The following TP63 variants were observed in gnomAD, a reference collection of about 807,000 sequenced individuals.
The protein encoded by TP63 is tumor protein p63.
In TP63, 17 loss-of-function variants were observed where a neutral mutation model predicts 82.8. The ratio of observed to expected loss-of-function variants is 0.21; its 90% CI spans 0.14 to 0.31. The LOEUF is 0.31. TP63 is among the 10% of genes least tolerant of loss of function. The pLI is 1.00. For missense variants in TP63, 648 were observed against 895.3 expected (o/e 0.72, Z 3.52); for synonymous variants, 330 against 321.7 (o/e 1.03, Z -0.28).
At chr3:189,844,030 C>T (rs910451441) in intron 4 of TP63, among the ~76,000 whole-genome samples, 32 of 152,116 alleles carry the variant, frequency 2.1e-4, no homozygotes, top group African/African-American at 6.5e-4. Context: ...TGCCCCCACC[C>T]CAACCCCAGA....
rs886978021 is a variant in TP63 at position 189,895,653 on chromosome 3, TA to T, written c.*1156del. ...TCAATGAACCATAAATTCAACTTTG[TA>T]AAAATCTTTTGAAGCATAGATAATA... On this transcript the variant is annotated 3_prime_UTR_variant, in exon 14 of 14. Transcript: ENST00000264731. The T allele has an allele frequency of 8.8e-6, 2 of 227,336 alleles. No individual in the cohort carries two copies. The highest frequency in any genetic ancestry group is 4.4e-5 in the African/African-American group (2 of 45,076). 14.1% of individuals were successfully genotyped at this position (227,336 alleles called of 1,614,324 possible).
At chr3:189,739,872 G>T (rs758917005) in intron 3 of TP63, among the ~76,000 whole-genome samples, 2 of 151,562 alleles carry the variant, frequency 1.3e-5, no homozygotes, top group Non-Finnish European at 2.9e-5. Flanking sequence ...GTGGGGGGAA[G>T]CTAGACAGCG....
At chr3:189,602,773 A>G in the TP63 span, among the ~76,000 whole-genome samples, 1 of 152,136 alleles carries the variant, frequency 6.6e-6, no homozygotes, top group Non-Finnish European at 1.5e-5. Context: ...ATTGTGCTGT[A>G]TTAAATTATA....
At chr3:189,682,577 T>A (rs867283290) in intron 1 of TP63, among the ~76,000 whole-genome samples, 1,708 of 92,938 alleles carry the variant, frequency 0.018, 52 homozygotes, top group Middle Eastern at 0.05. Context: ...TATATATATA[T>A]ATATATATAT....
intron 3 of TP63, among the ~76,000 whole-genome samples, chr3:189,785,318 GT>G (rs1724514103): frequency 6.6e-6 from 1 of 152,006 alleles, no homozygotes; most frequent in Admixed American, 6.6e-5. Flanking sequence ...TTATAGAACT[GT>G]TTAATTGAGC....
intron 4 of TP63, among the ~76,000 whole-genome samples, chr3:189,813,943 T>TGCCA (rs200916571): frequency 0.031 from 4,672 of 152,320 alleles, 124 homozygotes; most frequent in Admixed American, 0.096. Flanking sequence ...TTCTTAACCA[T>TGCCA]GCCAGCTTCG....
chr3:189,689,637 G>T (rs1716754400), intron 1 of TP63, among the ~76,000 whole-genome samples: 2 of 152,154 alleles, frequency 1.3e-5, no homozygotes, highest in Admixed American at 6.5e-5. Context: ...TATATAAATT[G>T]TATTAGGTAT....
chr3:189,828,372 T>C (rs1711766879), intron 4 of TP63, among the ~76,000 whole-genome samples: 1 of 152,084 alleles, frequency 6.6e-6, no homozygotes, highest in Non-Finnish European at 1.5e-5. Flanking sequence ...TTTTCCGTAA[T>C]TGGGATTATT....
intron 10 of TP63, chr3:189,880,867 C>G (rs1719834256): frequency 2.0e-6 from 2 of 985,208 alleles, no homozygotes; most frequent in African/African-American, 3.5e-5. Context: ...CTGCCTCTGC[C>G]ACTGTATGTT....
intron 3 of TP63, among the ~76,000 whole-genome samples, chr3:189,769,001 G>A (rs1723145999): frequency 6.6e-6 from 1 of 152,150 alleles, no homozygotes; most frequent in South Asian, 2.1e-4. Flanking sequence ...CTAACTATTT[G>A]TGTAACATCA....
At chr3:189,822,711 C>G (rs767583223) in intron 4 of TP63, among the ~76,000 whole-genome samples, 3 of 151,872 alleles carry the variant, frequency 2.0e-5, no homozygotes, top group Non-Finnish European at 2.9e-5. Flanking sequence ...ATTTTTGGAG[C>G]CTTAGCCCAA....
intron 1 of TP63, among the ~76,000 whole-genome samples, chr3:189,668,082 G>A (rs1046503877): frequency 6.6e-6 from 1 of 151,950 alleles, no homozygotes; most frequent in African/African-American, 2.4e-5. Context: ...TAGAAATTAA[G>A]CCGTAGCAAG....
intron 1 of TP63, among the ~76,000 whole-genome samples, chr3:189,670,941 A>G (rs1298964528): frequency 6.6e-6 from 1 of 152,070 alleles, no homozygotes; most frequent in African/African-American, 2.4e-5. Flanking sequence ...CCAGAAGAAA[A>G]CATGATAAAT....
At chr3:189,713,647 T>C (rs1301912530) in intron 1 of TP63, among the ~76,000 whole-genome samples, 3 of 152,160 alleles carry the variant, frequency 2.0e-5, no homozygotes, top group Admixed American at 1.3e-4. Context: ...GTGTTATATA[T>C]ACCATAGTTG....
chr3:189,625,263 G>A, the TP63 span, among the ~76,000 whole-genome samples: 10 of 152,256 alleles, frequency 6.6e-5, no homozygotes, highest in South Asian at 4.1e-4. Flanking sequence ...GTTGGTAGGC[G>A]TTAAAAAGAG....
At chr3:189,716,161 T>G (rs952145591) in intron 1 of TP63, among the ~76,000 whole-genome samples, 1 of 152,200 alleles carries the variant, frequency 6.6e-6, no homozygotes, top group Non-Finnish European at 1.5e-5. Flanking sequence ...TTTCTAAAAG[T>G]CATGTTCCTA....
chr3:189,738,993 G>A, intron 3 of TP63: 1 of 622,346 alleles, frequency 1.6e-6, no homozygotes, highest in East Asian at 2.9e-5. Flanking sequence ...TCCGTGTGGG[G>A]AGGGAGATTC....
chr3:189,711,029 T>C (rs1192882064), intron 1 of TP63, among the ~76,000 whole-genome samples: 1 of 152,190 alleles, frequency 6.6e-6, no homozygotes, highest in African/African-American at 2.4e-5. Context: ...TGCCTCTCTG[T>C]TCTCTTGGAG....
intron 1 of TP63, among the ~76,000 whole-genome samples, chr3:189,735,681 C>A (rs976331429): frequency 1.3e-5 from 2 of 152,108 alleles, no homozygotes; most frequent in Non-Finnish European, 2.9e-5. Flanking sequence ...TCTAAATAGC[C>A]GCTTTACCCA....
Sources: gnomAD v4.1 joint callset for allele counts (sites outside exome capture counted in the v4.1 genomes callset) on GRCh38, gnomAD v4.1.1 for gene constraint, MANE v1.5 for transcripts, NCBI Gene and HGNC (gene_info 2026-07-23, HGNC 2026-07-21) for gene names.